Variants in PCDH15 observed in about 807,000 individuals in gnomAD.
PCDH15 encodes the protein protocadherin related 15.
A neutral mutation model predicts 178.5 loss-of-function variants in PCDH15; 129 were observed. The ratio of observed to expected loss-of-function variants is 0.72; its 90% CI spans 0.63 to 0.84. PCDH15 has a LOEUF of 0.84. PCDH15 is among the 40% of genes least tolerant of loss of function. PCDH15 has a pLI of 0.00. For missense variants in PCDH15, 2,230 were observed against 2,099.9 expected (o/e 1.06, Z -1.21); for synonymous variants, 800 against 732.0 (o/e 1.09, Z -1.50).
At chr10:54,581,351 T>C (rs374635995) in intron 2 of PCDH15, among the ~76,000 whole-genome samples, 1 of 151,966 alleles carries the variant, frequency 6.6e-6, no homozygotes, top group Non-Finnish European at 1.5e-5. Context: ...ACAATAAAAA[T>C]TAAATGTCTA....
At chr10:54,445,485 C>T (rs555057672) in intron 3 of PCDH15, among the ~76,000 whole-genome samples, 4 of 151,554 alleles carry the variant, frequency 2.6e-5, no homozygotes, top group East Asian at 1.9e-4. Flanking sequence ...TGGTTAAGAG[C>T]GTACTTTAGG....
intron 2 of PCDH15, among the ~76,000 whole-genome samples, chr10:55,025,361 T>G (rs371592233): frequency 7.5e-4 from 114 of 152,286 alleles, no homozygotes; most frequent in African/African-American, 2.6e-3. Context: ...TTCTCAATTG[T>G]CATGTGTGTT....
intron 1 of PCDH15, among the ~76,000 whole-genome samples, chr10:55,237,828 T>TA (rs1312207262): frequency 3.3e-5 from 5 of 151,452 alleles, no homozygotes; most frequent in African/African-American, 1.2e-4. Flanking sequence ...GTATTGGAAT[T>TA]CAAAAAAAAA....
At chr10:55,089,531 T>C (rs545229320) in intron 2 of PCDH15, among the ~76,000 whole-genome samples, 1 of 152,242 alleles carries the variant, frequency 6.6e-6, no homozygotes, top group East Asian at 1.9e-4. Context: ...GGCTCTAGAA[T>C]CTTATTTTGT....
intron 3 of PCDH15, among the ~76,000 whole-genome samples, chr10:54,498,317 T>C (rs1006900292): frequency 2.6e-5 from 4 of 152,036 alleles, no homozygotes; most frequent in African/African-American, 4.8e-5. Flanking sequence ...GTGGCAAACA[T>C]GTAAAGAAAA....
At chr10:54,767,333 TAAATG>T (rs1192307999) in intron 1 of PCDH15, among the ~76,000 whole-genome samples, 3 of 152,142 alleles carry the variant, frequency 2.0e-5, no homozygotes, top group African/African-American at 7.2e-5. Context: ...GAATGATGAT[TAAATG>T]AAAGTATCAA....
chr10:54,355,120 CAAAAAAAAAAA>C (rs770404490), intron 5 of PCDH15, among the ~76,000 whole-genome samples: 31 of 69,840 alleles, frequency 4.4e-4, no homozygotes, highest in Admixed American at 6.3e-4. Context: ...AGGAGGATTG[CAAAAAAAAAAA>C]AAAAAAAAAA....
intron 15 of PCDH15, among the ~76,000 whole-genome samples, chr10:54,125,082 C>A (rs796345205): frequency 5.9e-5 from 9 of 152,180 alleles, no homozygotes; most frequent in African/African-American, 1.9e-4. Flanking sequence ...TAAAAGAAAA[C>A]ACATGCTGCA....
chr10:54,226,959 T>C (rs960068106), intron 9 of PCDH15, among the ~76,000 whole-genome samples: 6 of 152,200 alleles, frequency 3.9e-5, no homozygotes, highest in African/African-American at 7.2e-5. Flanking sequence ...TCCACAGCCT[T>C]GGACAACTCC....
At chr10:53,862,384 A>G (rs1226320039) in intron 27 of PCDH15, among the ~76,000 whole-genome samples, 1 of 151,932 alleles carries the variant, frequency 6.6e-6, no homozygotes, top group Non-Finnish European at 1.5e-5. Context: ...CACGTGCATA[A>G]TTTTTTAACA....
At chr10:54,697,135 T>G (rs2095240180) in intron 1 of PCDH15, among the ~76,000 whole-genome samples, 2 of 152,112 alleles carry the variant, frequency 1.3e-5, no homozygotes. Flanking sequence ...GTTATTTTAT[T>G]TATTTGTAGT....
At chr10:55,504,610 C>T (rs527953795) in intron 2 of PCDH15, among the ~76,000 whole-genome samples, 1 of 151,096 alleles carries the variant, frequency 6.6e-6, no homozygotes, top group South Asian at 2.1e-4. Context: ...GAATTTTTCT[C>T]AACAACTAGA....
rs1214742415 is a variant in PCDH15 at position 55,171,562 on chromosome 10, A to C, written c.-155-4911T>G. Among the ~76,000 whole-genome samples, 3 of 152,130 alleles carry C rather than the reference A, an allele frequency of 2.0e-5. No homozygotes were observed. The East Asian group carries it at 5.8e-4, about 29-fold the overall frequency. On this transcript the variant is annotated intron_variant, in intron 1 of 5. Coordinates refer to the PCDH15 transcript ENST00000458638. The stretch of plus-strand genomic sequence containing the variant: ...TAAAAAAACAACGACATAAAAGAAA[A>C]ATGGAAAGAAATTTAAGATAATAAG...
intron 1 of PCDH15, among the ~76,000 whole-genome samples, chr10:54,781,413 T>C (rs1344232229): frequency 6.6e-6 from 1 of 152,136 alleles, no homozygotes; most frequent in Non-Finnish European, 1.5e-5. Flanking sequence ...TTGTCAAATA[T>C]AGGAAGACAC....
At chr10:54,263,469 T>A (rs1220688118) in intron 8 of PCDH15, among the ~76,000 whole-genome samples, 1 of 152,170 alleles carries the variant, frequency 6.6e-6, no homozygotes, top group African/African-American at 2.4e-5. Context: ...AAAGAAGTTG[T>A]TTCTCATGAT....
chr10:54,025,451 C>A (rs962992385), intron 18 of PCDH15, among the ~76,000 whole-genome samples: 1 of 151,672 alleles, frequency 6.6e-6, no homozygotes, highest in African/African-American at 2.4e-5. Flanking sequence ...GGACCAATCC[C>A]GGTTGCTAGA....
At chr10:54,343,017 G>T (rs956047454) in intron 6 of PCDH15, among the ~76,000 whole-genome samples, 1 of 152,142 alleles carries the variant, frequency 6.6e-6, no homozygotes. Flanking sequence ...AAAGGGAATT[G>T]ACTTGTCTCA....
intron 10 of PCDH15, among the ~76,000 whole-genome samples, chr10:54,209,012 A>G (rs1269090441): frequency 6.6e-6 from 1 of 151,806 alleles, no homozygotes; most frequent in Non-Finnish European, 1.5e-5. Context: ...AACTGATGAT[A>G]TACACATTAG....
At chr10:54,050,876 T>G (rs1221682156) in intron 18 of PCDH15, among the ~76,000 whole-genome samples, 1 of 152,232 alleles carries the variant, frequency 6.6e-6, no homozygotes, top group African/African-American at 2.4e-5. Flanking sequence ...AGGGACCTGG[T>G]TGGAGGTAAT....
Sources: gnomAD v4.1 joint callset for allele counts (sites outside exome capture counted in the v4.1 genomes callset) on GRCh38, gnomAD v4.1.1 for gene constraint, MANE v1.5 for transcripts, NCBI Gene and HGNC (gene_info 2026-07-23, HGNC 2026-07-21) for gene names.